The following TEAD4 variants were observed in gnomAD, a reference collection of about 807,000 sequenced individuals.
TEAD4 encodes transcriptional enhancer factor TEF-3.
In TEAD4, 36 loss-of-function variants were observed where a neutral mutation model predicts 52.4. The ratio of observed to expected loss-of-function variants is 0.69; its 90% CI spans 0.53 to 0.91. The LOEUF (loss-of-function observed/expected upper bound fraction) is 0.91. Among genes scored for constraint, TEAD4 ranks in the 40% least tolerant of loss-of-function variants. The pLI is 0.00. For synonymous variants in TEAD4, 220 were observed against 231.0 expected, an observed-to-expected ratio of 0.95 and a Z score of 0.43; for missense variants, 508 against 583.9, an observed-to-expected ratio of 0.87 and a Z score of 1.34.
At chr12:3,036,840 T>C (rs937323857) in intron 10 of TEAD4, among the ~76,000 whole-genome samples, 9 of 152,162 alleles carry the variant, frequency 5.9e-5, no homozygotes, top group Admixed American at 6.5e-5. Flanking sequence ...AAGCACCAAA[T>C]TGTCTCATCT....
intron 2 of TEAD4, among the ~76,000 whole-genome samples, chr12:2,973,509 A>T (rs371472990): frequency 6.6e-6 from 1 of 152,204 alleles, no homozygotes; most frequent in East Asian, 1.9e-4. Flanking sequence ...GTGAGGTGAG[A>T]GTTTGGTGTC....
Position 2,998,399 on chromosome 12 carries a change from C to G in TEAD4, c.226+3407C>G, listed in dbSNP as rs1203210577. On this transcript the variant is annotated intron_variant, in intron 3 of 12. Coordinates refer to ENST00000359864, the MANE Select transcript of TEAD4 (RefSeq NM_003213.4). ...CTCTGGCAGGACTTGGGTTGGAATTCTCTTTGGCAGGAGGGAAGCCACTGA... is the reference window on the plus strand; with the variant it reads ...CTCTGGCAGGACTTGGGTTGGAATTGTCTTTGGCAGGAGGGAAGCCACTGA... Among the ~76,000 whole-genome samples the G allele has an allele frequency of 3.3e-5, 5 of 151,536 alleles. No individual in the cohort carries two copies. The South Asian group carries it at 8.4e-4, about 25-fold the overall frequency.
intron 5 of TEAD4, among the ~76,000 whole-genome samples, chr12:3,016,324 G>A (rs1043537787): frequency 9.2e-5 from 14 of 152,154 alleles, no homozygotes; most frequent in African/African-American, 2.4e-4. Context: ...CACCACTTCC[G>A]GCCAGGTATC....
chr12:3,016,931 TAGG>T, intron 5 of TEAD4: 1 of 355,420 alleles, frequency 2.8e-6, no homozygotes, highest in Non-Finnish European at 5.6e-6. Context: ...GGGAGATCCT[TAGG>T]GCAGGACTGA....
At chr12:2,976,264 G>A (rs111395924) in intron 2 of TEAD4, among the ~76,000 whole-genome samples, 144 of 151,830 alleles carry the variant, frequency 9.5e-4, no homozygotes, top group African/African-American at 3.0e-3. Context: ...TGCCCACCTC[G>A]GCCTCCCAAA....
At chr12:2,985,538 T>C (rs1226012778) in intron 2 of TEAD4, among the ~76,000 whole-genome samples, 1 of 124,682 alleles carries the variant, frequency 8.0e-6, no homozygotes, top group East Asian at 2.6e-4. Context: ...CGGAGTCTCA[T>C]TCTGTCCCCC....
At chr12:3,003,721 T>G (rs1190224085) in intron 3 of TEAD4, among the ~76,000 whole-genome samples, 1 of 152,156 alleles carries the variant, frequency 6.6e-6, no homozygotes, top group Non-Finnish European at 1.5e-5. Context: ...GCCCACAGTC[T>G]GGCAGGGGTG....
At chr12:2,999,398 C>T (rs973527831) in intron 3 of TEAD4, among the ~76,000 whole-genome samples, 4 of 152,208 alleles carry the variant, frequency 2.6e-5, no homozygotes, top group African/African-American at 7.2e-5. Context: ...CCTGGGGACC[C>T]GGCCTTAGCT....
At chr12:3,027,358 T>C (rs1423361515) in intron 10 of TEAD4, among the ~76,000 whole-genome samples, 3 of 152,198 alleles carry the variant, frequency 2.0e-5, no homozygotes, top group Non-Finnish European at 4.4e-5. Context: ...TTCTTTGGTG[T>C]CTTTAGTTCT....
intron 2 of TEAD4, among the ~76,000 whole-genome samples, chr12:2,988,351 A>G (rs2098240329): frequency 6.6e-6 from 1 of 151,774 alleles, no homozygotes; most frequent in South Asian, 2.1e-4. Context: ...CGTCCCTACT[A>G]AAAATACAAA....
intron 3 of TEAD4, among the ~76,000 whole-genome samples, chr12:2,998,475 G>A (rs2098249054): frequency 6.6e-6 from 1 of 151,024 alleles, no homozygotes; most frequent in South Asian, 2.1e-4. Flanking sequence ...GGCCGTGTTG[G>A]CATCTCGGAT....
chr12:2,997,716 C>A (rs950661440), intron 3 of TEAD4, among the ~76,000 whole-genome samples: 11 of 151,306 alleles, frequency 7.3e-5, no homozygotes, highest in Non-Finnish European at 1.6e-4. Context: ...CTGGGAGGGC[C>A]CCGTGGAGAT....
intron 2 of TEAD4, among the ~76,000 whole-genome samples, chr12:2,973,750 G>A (rs1401275752): frequency 1.3e-5 from 2 of 152,198 alleles, no homozygotes; most frequent in Non-Finnish European, 2.9e-5. Flanking sequence ...GGGTCAGGCC[G>A]GGCTGGCCCC....
In TEAD4 at chr12:2,994,682, C is replaced by A. The variant is rs557292452; in HGVS notation, c.-29-56C>A. 6 of 1,489,880 alleles carry A rather than the reference C, an allele frequency of 4.0e-6. No individual in the cohort carries two copies. Among genetic ancestry groups the A allele is most frequent in the Non-Finnish European group, 5.3e-6 (6 of 1,125,398 alleles). The allele number at this position is 1,489,880 out of a possible 1,614,324, so 92.3% of individuals were successfully genotyped here. A position where few individuals can be genotyped will look rare whatever the true frequency, so the allele number is the denominator to read the frequency against. The stretch of plus-strand genomic sequence containing the variant: ...GGCACTCCCCGGAGTGCCTTCATCC[C>A]GTGGCCCACGCAGTTCTTCCACTGC... On this transcript the variant is annotated intron_variant, in intron 2 of 12. Transcript: ENST00000359864. The surrounding 1 kb of genome is among the most constrained non-coding windows in gnomAD (Gnocchi z 4.7).
At chr12:2,970,547 G>GT (rs1399280562) in intron 2 of TEAD4, among the ~76,000 whole-genome samples, 6 of 152,360 alleles carry the variant, frequency 3.9e-5, no homozygotes. Flanking sequence ...TTTGTAAGAG[G>GT]TAGGGGGTCG....
At chr12:3,006,275 G>T (rs1479584652) in intron 3 of TEAD4, among the ~76,000 whole-genome samples, 1 of 152,074 alleles carries the variant, frequency 6.6e-6, no homozygotes, top group Non-Finnish European at 1.5e-5. Flanking sequence ...TTAGGATTAG[G>T]GATGCTCAGC....
At chr12:3,038,219 C>T (rs2098280591) in intron 11 of TEAD4, 111 bp downstream of exon 11, 2 of 1,386,086 alleles carry the variant, frequency 1.4e-6, no homozygotes, top group East Asian at 2.4e-5. Context: ...CCAGGATAAT[C>T]CCTTGTTGCC....
chr12:3,001,915 A>G (rs1385966977), intron 3 of TEAD4, among the ~76,000 whole-genome samples: 3 of 151,986 alleles, frequency 2.0e-5, no homozygotes, highest in African/African-American at 7.3e-5. Context: ...ACACAGTGAA[A>G]CCCGTCTCTA....
At chr12:2,987,986 T>G (rs1291713510) in intron 2 of TEAD4, among the ~76,000 whole-genome samples, 1 of 151,562 alleles carries the variant, frequency 6.6e-6, no homozygotes. Context: ...GAGAATCACT[T>G]GAGCCTGGGA....
Sources: allele counts gnomAD v4.1 joint callset (sites outside exome capture counted in the v4.1 genomes callset), GRCh38; gene constraint gnomAD v4.1.1; non-coding constraint Gnocchi (gnomAD v3.1); transcripts MANE v1.5; gene names NCBI Gene and HGNC (gene_info 2026-07-23, HGNC 2026-07-21).